NR1I3: variants seen among roughly 807,000 people sequenced by gnomAD.
The protein encoded by NR1I3 is constitutive activator of retinoid response.
In NR1I3, 30 loss-of-function variants were observed where a neutral mutation model predicts 38.4. The ratio of observed to expected loss-of-function variants is 0.78; its 90% confidence interval spans 0.58 to 1.06. The LOEUF is 1.06. NR1I3 is among the 50% of genes least tolerant of loss of function. NR1I3 has a pLI of 0.00. For synonymous variants in NR1I3, 143 were observed against 165.1 expected (o/e 0.87, Z 1.03); for missense variants, 388 against 435.7 (o/e 0.89, Z 0.97).
intron 8 of NR1I3, 180 bp from the exon 9 acceptor site, chr1:161,230,106 C>T (rs916483992): frequency 7.6e-6 from 5 of 654,132 alleles, no homozygotes; most frequent in East Asian, 2.9e-5. Flanking sequence ...CAGGGGGCCT[C>T]GGTCTGACAC....
intron 1 of NR1I3, among the ~76,000 whole-genome samples, chr1:161,237,323 C>G (rs542390695): frequency 6.6e-6 from 1 of 150,914 alleles, no homozygotes; most frequent in African/African-American, 2.4e-5. Flanking sequence ...CTCATGCCTC[C>G]GCCTCCTGAG....
chr1:161,233,360 G>T, intron 3 of NR1I3, 22 bp from the exon 4 acceptor site: 1 of 1,608,536 alleles, frequency 6.2e-7, no homozygotes, highest in South Asian at 1.1e-5. Flanking sequence ...AAGAGATCAT[G>T]ACAAAGCTGT....
At chr1:161,230,992 C>T in intron 7 of NR1I3, 74 bp from the exon 8 acceptor site, 1 of 1,612,612 alleles carries the variant, frequency 6.2e-7, no homozygotes, top group Non-Finnish European at 8.5e-7. Flanking sequence ...GGGACTGAGG[C>T]TGGGATAGAC....
intron 5 of NR1I3, 53 bp downstream of exon 5, chr1:161,232,754 T>G: frequency 1.3e-6 from 2 of 1,574,294 alleles, no homozygotes; most frequent in South Asian, 2.2e-5. Flanking sequence ...TCGGGGTGGA[T>G]ATACAATTTA....
rs1434574335 is a variant in NR1I3, at chr1:161,233,186, G to A, written c.391C>T (p.Gln131Ter). Residue 131 changes from glutamine (Q) to a stop codon, truncating the protein, a stop_gained, in exon 4 of 9, where the codon CAG becomes TAG. Coordinates refer to ENST00000367983, the MANE Select transcript of NR1I3 (RefSeq NM_005122.5). LOFTEE classifies it high-confidence loss of function. ...GTGCTCACCCTAAACTGCACAAACT[G>A]TTCAAACATGGTGCCCATGTGGCGG... ...HTRHMGTMFE[Q>*]FVQFRPPAHL... 1 of 1,614,074 alleles carries A rather than the reference G, an allele frequency of 6.2e-7. No individual in the cohort carries two copies. The highest frequency in any genetic ancestry group is 8.5e-7 in the Non-Finnish European group (1 of 1,180,026).
chr1:161,236,445 G>T lies in NR1I3; in HGVS notation c.107+14C>A. The T allele has an allele frequency of 6.2e-7, 1 of 1,614,042 alleles. No individual in the cohort carries two copies. Among genetic ancestry groups the T allele is most frequent in the South Asian group, 1.1e-5 (1 of 91,068 alleles). ...GGTTTGGAGGGCTATTTCCATTGGG[G>T]AGGAGACTCTCACCTGAAGAAACCC... is the stretch of plus-strand genomic sequence containing the variant. On this transcript the variant is annotated intron_variant, in intron 2 of 8. Coordinates refer to ENST00000367983, the MANE Select transcript of NR1I3 (RefSeq NM_005122.5).
chr1:161,230,029 C>T, intron 8 of NR1I3, 103 bp from the exon 9 acceptor site: 6 of 1,391,198 alleles, frequency 4.3e-6, no homozygotes, highest in Non-Finnish European at 6.0e-6. Context: ...CTCAGTGAAG[C>T]CAGGTCTGAA....
chr1:161,234,504 G>A (rs1668174249), intron 3 of NR1I3, among the ~76,000 whole-genome samples: 1 of 152,188 alleles, frequency 6.6e-6, no homozygotes, highest in South Asian at 2.1e-4. Flanking sequence ...AGAATCGTGT[G>A]ATATGGAAAA....
At chr1:161,233,528 T>C (rs1034265768) in intron 3 of NR1I3, among the ~76,000 whole-genome samples, 190 bp from the exon 4 acceptor site, 6 of 151,978 alleles carry the variant, frequency 3.9e-5, no homozygotes, top group African/African-American at 9.7e-5. Flanking sequence ...TCCTATACAC[T>C]TCCACCAACC....
At chr1:161,231,556 A>C in intron 5 of NR1I3, 82 bp from the exon 6 acceptor site, 1 of 1,435,158 alleles carries the variant, frequency 7.0e-7, no homozygotes, top group Non-Finnish European at 9.5e-7. Context: ...GCTGGAGTGC[A>C]GTGGCGTGAT....
At chr1:161,233,516 G>T (rs969380761) in intron 3 of NR1I3, among the ~76,000 whole-genome samples, 178 bp from the exon 4 acceptor site, 1 of 152,132 alleles carries the variant, frequency 6.6e-6, no homozygotes, top group Non-Finnish European at 1.5e-5. Context: ...GAGGCAGGGG[G>T]CTCCTATACA....
chr1:161,230,624 G>T, intron 8 of NR1I3, 189 bp downstream of exon 8: 1 of 716,056 alleles, frequency 1.4e-6, no homozygotes, highest in Non-Finnish European at 2.3e-6. Flanking sequence ...TGAAACAGCA[G>T]TATCCAAATA....
intron 3 of NR1I3, 125 bp downstream of exon 3, chr1:161,235,722 T>TC (rs1668484251): frequency 8.2e-7 from 1 of 1,219,614 alleles, no homozygotes; most frequent in South Asian, 1.4e-5. Context: ...CTTGAGTGAA[T>TC]AGTGACATAA....
rs1315879348 is a variant in NR1I3, at chr1:161,236,907, A to ATT, written c.-33-311_-33-310dup. 9.0e-5 allele frequency among the ~76,000 whole-genome samples: 12 copies of ATT among 133,832 alleles called. No individual in the cohort carries two copies. The East Asian group carries it at 2.1e-3, about 24-fold the overall frequency. The allele number at this position is 133,832 out of a possible 152,430, so 87.8% of individuals were successfully genotyped here. ...ATGTCCAGCTAATTTTTGTTTATTT[A>ATT]TTTATTTATTTTTTTTGTAGAGATG... On this transcript the variant is annotated intron_variant, in intron 1 of 8. Coordinates refer to ENST00000367983, the MANE Select transcript of NR1I3 (RefSeq NM_005122.5).
intron 1 of NR1I3, among the ~76,000 whole-genome samples, chr1:161,237,748 CA>C (rs1558129772): frequency 6.6e-6 from 1 of 151,762 alleles, no homozygotes; most frequent in African/African-American, 2.4e-5. Context: ...AAACAAAAAA[CA>C]AAAAAACAAA....
In NR1I3 at chr1:161,231,519, C is replaced by G. The variant is rs758481525; in HGVS notation, c.549-45G>C. On this transcript the variant is annotated intron_variant, in intron 5 of 8. Transcript: ENST00000367983. ...AGGACACTTTTCAATTTTTTTTTTT[C>G]TGAGACAGAGTCTCACTGTCACCCT... The G allele has an allele frequency of 7.1e-6, 11 of 1,549,340 alleles. No individual in the cohort carries two copies. In the South Asian group the frequency reaches 8.5e-5, roughly 12 times the overall value.
chr1:161,236,138 T>C (rs1449688215), intron 2 of NR1I3, 161 bp from the exon 3 acceptor site: 1 of 798,032 alleles, frequency 1.3e-6, no homozygotes, highest in African/African-American at 1.7e-5. Context: ...TCTCAAGCAT[T>C]TCCATGGCAA....
chr1:161,230,372 G>A, intron 8 of NR1I3: 1 of 328,658 alleles, frequency 3.0e-6, no homozygotes, highest in Non-Finnish European at 5.6e-6. Flanking sequence ...ATTGAACCTG[G>A]AACTGGCTTT....
rs897611907 is a variant in NR1I3 at position 161,236,555 on chromosome 1, C to G, written c.11G>C (p.Arg4Thr). 1 of 1,614,120 alleles carries G rather than the reference C, an allele frequency of 6.2e-7. No individual in the cohort carries two copies. Among genetic ancestry groups the G allele is most frequent in the African/African-American group, 1.3e-5 (1 of 75,036 alleles). The change falls in exon 2 of 9, where the codon AGG becomes ACG. Residue 4 changes from arginine (R) to threonine (T), a missense_variant. Transcript: ENST00000367983. ...CACACAGTTCCTCAGCTCATCTTCC[C>G]TACTGGCCATGACGTCACGTGTTGG... MAS[R>T]EDELRNCVVC... is the part of the protein sequence containing the mutation.
Sources: gnomAD v4.1 joint callset for allele counts (sites outside exome capture counted in the v4.1 genomes callset) on GRCh38, gnomAD v4.1.1 for gene constraint, MANE v1.5 for transcripts, NCBI Gene and HGNC (gene_info 2026-07-23, HGNC 2026-07-21) for gene names.